The following TSR2 variants were observed in gnomAD, a reference collection of about 807,000 sequenced individuals.
TSR2 encodes pre-rRNA-processing protein TSR2 homolog.
A neutral mutation model predicts 13.3 loss-of-function variants in TSR2; 1 was observed. That is an observed-to-expected ratio of 0.08 (90% CI 0.03 to 0.36). The LOEUF is 0.36. Ranked by LOEUF, TSR2 falls within the 10% of genes least tolerant of loss-of-function variation. TSR2 has a pLI of 0.99. For synonymous variants in TSR2, 60 were observed against 57.7 expected (o/e 1.04, Z -0.18); for missense variants, 120 against 151.1 (o/e 0.79, Z 1.08).
Position 54,444,663 on chromosome X carries a change from C to A in TSR2, c.*113C>A. 1 of 789,076 alleles carries A rather than the reference C, an allele frequency of 1.3e-6. No individual in the cohort carries two copies. Among genetic ancestry groups the A allele is most frequent in the Non-Finnish European group, 1.8e-6 (1 of 561,170 alleles). The allele number at this position is 789,076 out of a possible 1,213,427, so 65.0% of individuals were successfully genotyped here. On this transcript the variant is annotated 3_prime_UTR_variant, in exon 5 of 5. Coordinates refer to ENST00000375151, the MANE Select transcript of TSR2 (RefSeq NM_058163.3). ...GTGGACTGGTTACCCCATCTCCACC[C>A]TCTCCCCTGTTCCTCTGTCTGGCTC...
At chrX:54,443,909 T>C in intron 3 of TSR2, 99 bp from the exon 4 acceptor site, 1 of 1,125,432 alleles carries the variant, frequency 8.9e-7, no homozygotes. Context: ...TGTTCTCTTC[T>C]GGAAAAATCC....
Position 54,447,348 on chromosome X carries a change from T to C in TSR2, c.*2798T>C. 1 of 1,211,852 alleles carries C rather than the reference T, an allele frequency of 8.3e-7. No homozygotes were observed. Among genetic ancestry groups the C allele is most frequent in the Non-Finnish European group, 1.1e-6 (1 of 895,440 alleles). On this transcript the variant is annotated 3_prime_UTR_variant, in exon 5 of 5. Coordinates refer to ENST00000375151, the MANE Select transcript of TSR2 (RefSeq NM_058163.3). ...GTAGATATACAGCACCAAGGGTTCA[T>C]TTTCAGGGACCACGAACCATGCCTT...
At position 54,445,843 on chromosome X, in the gene TSR2, T is replaced by C. The variant is rs1292676757; in HGVS notation, c.*1293T>C. The C allele has an allele frequency of 1.1e-5, 4 of 354,840 alleles. No homozygotes were observed. Among genetic ancestry groups the C allele is most frequent in the East Asian group, 5.1e-5 (1 of 19,785 alleles). The allele number at this position is 354,840 out of a possible 1,213,427, so 29.2% of individuals were successfully genotyped here. On this transcript the variant is annotated 3_prime_UTR_variant, in exon 5 of 5. Coordinates refer to ENST00000375151, the MANE Select transcript of TSR2 (RefSeq NM_058163.3). ...TGAGGGATGAGGGAGAAAAACGACC[T>C]AATTCAGGTAGGACTGGCAACGGCT...
In TSR2 at chrX:54,447,146, C is replaced by G. The variant is rs749483864; in HGVS notation, c.*2596C>G. On this transcript the variant is annotated 3_prime_UTR_variant, in exon 5 of 5. Coordinates refer to ENST00000375151, the MANE Select transcript of TSR2 (RefSeq NM_058163.3). ...TACATACCACAACCACTCCTTGTCT[C>G]TAGCCAGTCTTTGTCTCTCAAGGGT... Among the ~76,000 whole-genome samples, 3 of 112,289 alleles carry G rather than the reference C, an allele frequency of 2.7e-5. No homozygotes were observed. Among genetic ancestry groups the G allele is most frequent in the Admixed American group, 9.5e-5 (1 of 10,560 alleles).
Position 54,447,454 on chromosome X carries a change from T to G in TSR2, c.*2904T>G, listed in dbSNP as rs1251998110. 3 of 1,209,470 alleles carry G rather than the reference T, an allele frequency of 2.5e-6. No homozygotes were observed. In the Admixed American group the frequency reaches 6.5e-5, roughly 26 times the overall value. On this transcript the variant is annotated 3_prime_UTR_variant, in exon 5 of 5. Transcript: ENST00000375151. ...TTCTCTGCAGCCACTGAGGCCTGTT[T>G]CTGTGGCCAGAGACACCGGGCATCA...
Position 54,440,618 on chromosome X carries a change from G to A in TSR2, c.82-72G>A, listed in dbSNP as rs2147412841. 7.0e-6 allele frequency: 8 copies of A among 1,140,522 alleles called. No homozygotes were observed. In the Admixed American group the frequency reaches 9.6e-5, roughly 14 times the overall value. 94.0% of individuals were successfully genotyped at this position (1,140,522 alleles called of 1,213,427 possible). ...CGGCATAAGAGGAGTTGGCTGGGCG[G>A]CGTAAGCGGCCTCCAGGCTACTCCA... On this transcript the variant is annotated intron_variant, in intron 1 of 4. Transcript: ENST00000375151.
At chrX:54,443,925 A>G in intron 3 of TSR2, 83 bp from the exon 4 acceptor site, 2 of 1,154,028 alleles carry the variant, frequency 1.7e-6, no homozygotes, top group Non-Finnish European at 2.3e-6. Context: ...AATCCAACCT[A>G]CTCCCCACTG....
intron 2 of TSR2, among the ~76,000 whole-genome samples, chrX:54,442,380 C>T (rs1373171509): frequency 9.0e-6 from 1 of 110,892 alleles, no homozygotes; most frequent in Non-Finnish European, 1.9e-5. Flanking sequence ...GATTAGGTGT[C>T]TTTTCTCGGA....
chrX:54,443,451 A>G lies in TSR2; in HGVS notation c.224A>G (p.Asn75Ser). The G allele has an allele frequency of 1.7e-6, 2 of 1,205,717 alleles. No homozygotes were observed. The highest frequency in any genetic ancestry group is 1.8e-5 in the African/African-American group (1 of 56,842). Residue 75 changes from asparagine (N) to serine (S), a missense_variant, in exon 3 of 5, where the codon AAC becomes AGC. Around this residue, in one of 3 missense-constraint regions of TSR2, gnomAD observed 12 missense variants for 37.5 expected, o/e 0.32. Coordinates refer to ENST00000375151, the MANE Select transcript of TSR2 (RefSeq NM_058163.3). ...GACTTCCTTGGAGAGCTGTTGACCA[A>G]CGAGTTTGATACAGTTGTGGAAGAC... ...VEDFLGELLTNEFDTVVEDGS... is the reference protein window; with the variant it reads ...VEDFLGELLTSEFDTVVEDGS...
rs2147420781 is a variant in TSR2 at position 54,447,120 on chromosome X, C to T, written c.*2570C>T. ...GGCCCACAACTCATCCTGGTTTTCC[C>T]TACATACCACAACCACTCCTTGTCT... On this transcript the variant is annotated 3_prime_UTR_variant, in exon 5 of 5. Coordinates refer to ENST00000375151, the MANE Select transcript of TSR2 (RefSeq NM_058163.3). 8.9e-6 allele frequency among the ~76,000 whole-genome samples: 1 copy of T among 111,968 alleles called. No homozygotes were observed. The highest frequency in any genetic ancestry group is 3.2e-5 in the African/African-American group (1 of 30,896).
rs1922255517 is a variant in TSR2 at position 54,447,584 on chromosome X, G to C, written c.*3034G>C. ...GAAGACGCTCAAGCTCAGGTGGCAGGAGTGATTTGTCCAGTGCCACCCAGT... is the reference window on the plus strand; with the variant it reads ...GAAGACGCTCAAGCTCAGGTGGCAGCAGTGATTTGTCCAGTGCCACCCAGT... On this transcript the variant is annotated 3_prime_UTR_variant, in exon 5 of 5. Coordinates refer to ENST00000375151, the MANE Select transcript of TSR2 (RefSeq NM_058163.3). 2 of 728,683 alleles carry C rather than the reference G, an allele frequency of 2.7e-6. No homozygotes were observed. The highest frequency in any genetic ancestry group is 4.1e-6 in the Non-Finnish European group (2 of 484,708). 60.1% of individuals were successfully genotyped at this position (728,683 alleles called of 1,213,427 possible). A position where few individuals can be genotyped will look rare whatever the true frequency, so the allele number is the denominator to read the frequency against.
rs1015863827 is a variant in TSR2, at chrX:54,444,648, T to A, written c.*98T>A. The stretch of plus-strand genomic sequence containing the variant: ...GAGGATTGCAGACCTGTGGACTGGT[T>A]ACCCCATCTCCACCCTCTCCCCTGT... On this transcript the variant is annotated 3_prime_UTR_variant, in exon 5 of 5. Transcript: ENST00000375151. The A allele has an allele frequency of 5.4e-5, 47 of 871,529 alleles. No homozygotes were observed. Among genetic ancestry groups the A allele is most frequent in the African/African-American group, 1.0e-4 (5 of 48,609 alleles). The allele number at this position is 871,529 out of a possible 1,213,427, so 71.8% of individuals were successfully genotyped here.
In TSR2 at chrX:54,444,542, A is replaced by G. The variant is rs1251420206; in HGVS notation, c.568A>G (p.Lys190Glu). 4.1e-6 allele frequency: 5 copies of G among 1,210,860 alleles called. No homozygotes were observed. The highest frequency in any genetic ancestry group is 5.6e-6 in the Non-Finnish European group (5 of 895,022). Reference sequence around the variant, plus strand: ...AGATGGCTGGACCATTGTCCGGAGAAAAAAATGAGTGGGGATGATTGGAAA... The same window carrying G: ...AGATGGCTGGACCATTGTCCGGAGAGAAAAATGAGTGGGGATGATTGGAAA... ...VEDGWTIVRR[K>E]K Residue 190 changes from lysine to glutamate, a missense_variant, in exon 5 of 5, where the codon AAA becomes GAA. Around this residue, in one of 3 missense-constraint regions of TSR2, gnomAD observed 55 missense variants for 61.3 expected, o/e 0.90. Coordinates refer to ENST00000375151, the MANE Select transcript of TSR2 (RefSeq NM_058163.3).
chrX:54,444,420 C>T lies in TSR2; in HGVS notation c.446C>T (p.Thr149Ile). 8.3e-7 allele frequency: 1 copy of T among 1,207,900 alleles called. No individual in the cohort carries two copies. Among genetic ancestry groups the T allele is most frequent in the Non-Finnish European group, 1.1e-6 (1 of 893,754 alleles). Reference sequence around the variant, plus strand: ...TCTTTTAAATCTCCCCTCCAGGTCACAGCTACGAATGATGGGGCTGCTACA... The same window carrying T: ...TCTTTTAAATCTCCCCTCCAGGTCATAGCTACGAATGATGGGGCTGCTACA... The part of the protein sequence containing the change: ...DVDSVEEMEV[T>I]ATNDGAATDG... The change falls in exon 5 of 5, where the codon ACA becomes ATA. Residue 149 changes from threonine to isoleucine, a missense_variant. Physicochemically the swap from Thr to Ile is moderately conservative, Grantham distance 89. This residue lies in a region of TSR2 where 55 missense variants were observed against 61.3 expected (regional missense o/e 0.90). Coordinates refer to ENST00000375151, the MANE Select transcript of TSR2 (RefSeq NM_058163.3).
At position 54,443,972 on chromosome X, in the gene TSR2, T is replaced by C. The variant is rs761771420; in HGVS notation, c.265-36T>C. 5.8e-6 allele frequency: 7 copies of C among 1,201,069 alleles called. No homozygotes were observed. The South Asian group carries it at 1.3e-4, about 22-fold the overall frequency. On this transcript the variant is annotated intron_variant, in intron 3 of 4. Transcript: ENST00000375151. ...ACGTGCTGTTTGTATAGTAGATATC[T>C]GGAAAATCCAAACTGGTTGAATATT...
chrX:54,446,222 A>C lies in TSR2; in HGVS notation c.*1672A>C, dbSNP rs1922168917. 3 of 1,211,960 alleles carry C rather than the reference A, an allele frequency of 2.5e-6. No individual in the cohort carries two copies. Among genetic ancestry groups the C allele is most frequent in the Middle Eastern group, 2.3e-4 (1 of 4,351 alleles). ...TCAGACAGTGTGGGCCCCGGGCAGA[A>C]CGTGTCCCCTCGGCCCGCCCGGCCA... On this transcript the variant is annotated 3_prime_UTR_variant, in exon 5 of 5. Transcript: ENST00000375151.
rs1922087821 is a variant in TSR2 at position 54,445,102 on chromosome X, G to T, written c.*552G>T. ...CTGCCCAGAACTTGGAACCTCCCAG[G>T]AATGCTGCCTTCCTTCAGCCCAGCC... On this transcript the variant is annotated 3_prime_UTR_variant, in exon 5 of 5. Coordinates refer to ENST00000375151, the MANE Select transcript of TSR2 (RefSeq NM_058163.3). 9.0e-6 allele frequency: 1 copy of T among 111,114 alleles called. No homozygotes were observed. The highest frequency in any genetic ancestry group is 1.9e-5 in the Non-Finnish European group (1 of 53,037). The allele number at this position is 111,114 out of a possible 1,213,427, so 9.2% of individuals were successfully genotyped here. A position where few individuals can be genotyped will look rare whatever the true frequency, so the allele number is the denominator to read the frequency against.
At chrX:54,440,911 G>T (rs1921907301) in intron 2 of TSR2, 131 bp downstream of exon 2, 7 of 481,111 alleles carry the variant, frequency 1.5e-5, no homozygotes, top group Non-Finnish European at 3.4e-6. Flanking sequence ...AATGAATTCA[G>T]CTTTTAGAAT....
Position 54,447,455 on chromosome X carries a change from C to A in TSR2, c.*2905C>A. 8.3e-7 allele frequency: 1 copy of A among 1,209,307 alleles called. No homozygotes were observed. Among genetic ancestry groups the A allele is most frequent in the African/African-American group, 1.7e-5 (1 of 57,897 alleles). Reference sequence around the variant, plus strand: ...TCTCTGCAGCCACTGAGGCCTGTTTCTGTGGCCAGAGACACCGGGCATCAA... The same window carrying A: ...TCTCTGCAGCCACTGAGGCCTGTTTATGTGGCCAGAGACACCGGGCATCAA... On this transcript the variant is annotated 3_prime_UTR_variant, in exon 5 of 5. Transcript: ENST00000375151.
Sources: allele counts gnomAD v4.1 joint callset (sites outside exome capture counted in the v4.1 genomes callset), GRCh38; gene constraint gnomAD v4.1.1; regional missense constraint gnomAD v4.1.1; transcripts MANE v1.5; gene names NCBI Gene and HGNC (gene_info 2026-07-23, HGNC 2026-07-21).